SPMIP3: variants seen among roughly 807,000 people sequenced by gnomAD.
The protein encoded by SPMIP3 is sperm microtubule inner protein 3.
chr1:244,377,987 T>G, the SPMIP3 span, among the ~76,000 whole-genome samples: 3 of 152,044 alleles, frequency 2.0e-5, no homozygotes, highest in Non-Finnish European at 4.4e-5. Flanking sequence ...TGTATTTTTT[T>G]GTAGAGATGG....
At chr1:244,358,338 C>T in the SPMIP3 span, among the ~76,000 whole-genome samples, 1 of 152,034 alleles carries the variant, frequency 6.6e-6, no homozygotes, top group Non-Finnish European at 1.5e-5. Flanking sequence ...AATCCCAGCA[C>T]TTAGGGAGGC....
the SPMIP3 span, chr1:244,364,839 G>A: frequency 2.2e-6 from 3 of 1,382,094 alleles, no homozygotes; most frequent in Non-Finnish European, 2.1e-6. Flanking sequence ...ACATCCTGCT[G>A]CTCAGTGGTC....
the SPMIP3 span, among the ~76,000 whole-genome samples, chr1:244,374,147 G>T: frequency 6.6e-6 from 1 of 152,094 alleles, no homozygotes; most frequent in Non-Finnish European, 1.5e-5. Flanking sequence ...AATAAAATGA[G>T]ATGTATTTTA....
the SPMIP3 span, chr1:244,388,833 A>G: frequency 7.3e-6 from 4 of 551,202 alleles, no homozygotes; most frequent in Admixed American, 1.4e-4. Flanking sequence ...AAATGCATTC[A>G]TTTGTCTTAA....
chr1:244,387,986 G>A, the SPMIP3 span, among the ~76,000 whole-genome samples: 1 of 151,452 alleles, frequency 6.6e-6, no homozygotes, highest in Non-Finnish European at 1.5e-5. Flanking sequence ...GGAGTGCAAT[G>A]GTGCGATCTT....
the SPMIP3 span, among the ~76,000 whole-genome samples, chr1:244,369,721 T>C: frequency 6.6e-6 from 1 of 152,106 alleles, no homozygotes; most frequent in Non-Finnish European, 1.5e-5. Context: ...TGAGAAGAAC[T>C]GGTTAGGACT....
the SPMIP3 span, chr1:244,375,334 G>T: frequency 1.3e-6 from 2 of 1,510,148 alleles, no homozygotes; most frequent in South Asian, 2.3e-5. Flanking sequence ...CTAATTGTAA[G>T]AATGGCTTTC....
chr1:244,354,050 A>G, the SPMIP3 span, among the ~76,000 whole-genome samples: 2 of 152,146 alleles, frequency 1.3e-5, no homozygotes, highest in African/African-American at 2.4e-5. Context: ...AACACTTACA[A>G]GGAAATGGGG....
At chr1:244,386,426 C>T in the SPMIP3 span, among the ~76,000 whole-genome samples, 1 of 152,176 alleles carries the variant, frequency 6.6e-6, no homozygotes, top group Non-Finnish European at 1.5e-5. Flanking sequence ...ATAGCATCCC[C>T]AATCTGTGTA....
At chr1:244,359,284 T>C in the SPMIP3 span, among the ~76,000 whole-genome samples, 124 of 152,290 alleles carry the variant, frequency 8.1e-4, no homozygotes, top group Admixed American at 1.8e-3. Flanking sequence ...AATGCATTTC[T>C]CTAAAAATGC....
the SPMIP3 span, among the ~76,000 whole-genome samples, chr1:244,374,393 A>C: frequency 3.3e-4 from 50 of 152,226 alleles, no homozygotes; most frequent in Non-Finnish European, 2.4e-4. Context: ...TTGACATCAC[A>C]GTGCTGCTTC....
chr1:244,374,304 G>A, the SPMIP3 span, among the ~76,000 whole-genome samples: 8 of 151,880 alleles, frequency 5.3e-5, no homozygotes, highest in African/African-American at 1.9e-4. Context: ...TTAGCTCAAT[G>A]ATGCTCCCAA....
chr1:244,387,246 C>T, the SPMIP3 span, among the ~76,000 whole-genome samples: 3 of 151,026 alleles, frequency 2.0e-5, no homozygotes, highest in Non-Finnish European at 4.4e-5. Flanking sequence ...TGCAGTGAGC[C>T]GAGATGGCGC....
chr1:244,362,719 A>G, the SPMIP3 span, among the ~76,000 whole-genome samples: 4 of 152,162 alleles, frequency 2.6e-5, no homozygotes, highest in Non-Finnish European at 4.4e-5. Context: ...CCATAGGCCC[A>G]GCTGTCTATG....
At chr1:244,378,361 C>G in the SPMIP3 span, 1 of 1,155,674 alleles carries the variant, frequency 8.7e-7, no homozygotes. Flanking sequence ...TGTCAATACT[C>G]TCTGTTAGCC....
At chr1:244,363,158 C>T in the SPMIP3 span, among the ~76,000 whole-genome samples, 1 of 152,136 alleles carries the variant, frequency 6.6e-6, no homozygotes, top group Non-Finnish European at 1.5e-5. Flanking sequence ...GTAATCCCAG[C>T]ACTTTGAGAG....
At chr1:244,371,785 A>G in the SPMIP3 span, among the ~76,000 whole-genome samples, 1 of 152,272 alleles carries the variant, frequency 6.6e-6, no homozygotes, top group African/African-American at 2.4e-5. Context: ...GTGGTGCTTC[A>G]GAAAATGGAT....
At chr1:244,365,223 C>A in the SPMIP3 span, among the ~76,000 whole-genome samples, 1 of 152,228 alleles carries the variant, frequency 6.6e-6, no homozygotes, top group Non-Finnish European at 1.5e-5. Flanking sequence ...TATAGAGAAA[C>A]TGGAAATCTT....
At chr1:244,374,286 C>T in the SPMIP3 span, among the ~76,000 whole-genome samples, 3 of 152,024 alleles carry the variant, frequency 2.0e-5, no homozygotes, top group Non-Finnish European at 4.4e-5. Flanking sequence ...CCTCCCAGTC[C>T]CCACATGTTA....
Sources: gnomAD v4.1 joint callset for allele counts (sites outside exome capture counted in the v4.1 genomes callset) on GRCh38, gnomAD v4.1.1 for gene constraint, MANE v1.5 for transcripts, NCBI Gene and HGNC (gene_info 2026-07-23, HGNC 2026-07-21) for gene names.